LRRIQ1: variants seen among roughly 807,000 people sequenced by gnomAD.
LRRIQ1 encodes leucine-rich repeat- and IQ domain-containing protein 1.
A neutral mutation model predicts 211.9 loss-of-function variants in LRRIQ1; 210 were observed. The ratio of observed to expected loss-of-function variants is 0.99; its 90% CI spans 0.89 to 1.11. The LOEUF (loss-of-function observed/expected upper bound fraction) is 1.11. LRRIQ1 is among the 50% of genes most tolerant of loss of function. The probability of loss-of-function intolerance (pLI) is 0.00; values close to 1 mark genes in which losing one functional copy is unlikely to be tolerated. For synonymous variants in LRRIQ1, 699 were observed against 650.1 expected (o/e 1.08, Z -1.14); for missense variants, 2,136 against 1,939.5 (o/e 1.10, Z -1.90).
Position 85,153,037 on chromosome 12 carries a change from T to TA in LRRIQ1, c.4437dup (p.Trp1480MetfsTer3). On this transcript the variant is annotated frameshift_variant, in exon 21 of 27. Coordinates refer to ENST00000393217, the MANE Select transcript of LRRIQ1 (RefSeq NM_001079910.2). LOFTEE classifies it high-confidence loss of function. ...TTTTGTGAAAAGATTCCTGGAAACT[T>TA]AAAATGGGATGATACTTCATTTAAT... 2 of 1,556,802 alleles carry TA rather than the reference T, an allele frequency of 1.3e-6. No homozygotes were observed. The highest frequency in any genetic ancestry group is 1.7e-6 in the Non-Finnish European group (2 of 1,144,694).
intron 26 of LRRIQ1, among the ~76,000 whole-genome samples, chr12:85,244,296 T>A (rs948373446): frequency 1.5e-4 from 22 of 151,492 alleles, no homozygotes; most frequent in African/African-American, 4.1e-4. Flanking sequence ...ATGGCTTTAA[T>A]GAGAAGGTAA....
intron 11 of LRRIQ1, among the ~76,000 whole-genome samples, chr12:85,073,832 G>A (rs1183230947): frequency 6.6e-6 from 1 of 152,050 alleles, no homozygotes; most frequent in Non-Finnish European, 1.5e-5. Flanking sequence ...GAAATGCTTA[G>A]AGATTCTGGT....
At chr12:85,170,715 T>C (rs999578590) in intron 24 of LRRIQ1, among the ~76,000 whole-genome samples, 2 of 151,918 alleles carry the variant, frequency 1.3e-5, no homozygotes, top group African/African-American at 4.8e-5. Context: ...GTAATTCTGA[T>C]CAACTGTACT....
chr12:85,196,231 C>A (rs1182535187), intron 24 of LRRIQ1, among the ~76,000 whole-genome samples: 1 of 151,866 alleles, frequency 6.6e-6, no homozygotes, highest in Admixed American at 6.6e-5. Flanking sequence ...GAATCAATAT[C>A]GTGAAAATGG....
intron 23 of LRRIQ1, among the ~76,000 whole-genome samples, chr12:85,157,499 A>G (rs751987697): frequency 7.3e-5 from 11 of 151,216 alleles, no homozygotes; most frequent in African/African-American, 2.2e-4. Context: ...GTTTGTTTGT[A>G]TTTATTGTTG....
chr12:85,104,367 A>G (rs1886621754), intron 14 of LRRIQ1, among the ~76,000 whole-genome samples: 1 of 151,860 alleles, frequency 6.6e-6, no homozygotes, highest in African/African-American at 2.4e-5. Flanking sequence ...CAAACAGTAT[A>G]CCTTTCTAAC....
chr12:85,108,982 A>T (rs545331378), intron 15 of LRRIQ1, among the ~76,000 whole-genome samples: 3 of 152,136 alleles, frequency 2.0e-5, no homozygotes, highest in Non-Finnish European at 2.9e-5. Context: ...CAAACTAAAA[A>T]AAAAATAGCT....
At chr12:85,197,978 AATT>A (rs1351622168) in intron 24 of LRRIQ1, among the ~76,000 whole-genome samples, 2 of 105,506 alleles carry the variant, frequency 1.9e-5, no homozygotes, top group African/African-American at 3.9e-5. Context: ...AAATATATAT[AATT>A]ATATTATATA....
intron 1 of LRRIQ1, among the ~76,000 whole-genome samples, chr12:85,036,990 A>C (rs1878191650): frequency 6.6e-6 from 1 of 152,156 alleles, no homozygotes; most frequent in South Asian, 2.1e-4. Flanking sequence ...AGGACTTGAA[A>C]TGCAGCTAAT....
chr12:85,223,255 C>T (rs1239579518), intron 24 of LRRIQ1, among the ~76,000 whole-genome samples: 1 of 151,958 alleles, frequency 6.6e-6, no homozygotes, highest in Admixed American at 6.6e-5. Flanking sequence ...AGCACAGTGC[C>T]AGATATAGAG....
chr12:85,132,937 A>G (rs930474887), intron 18 of LRRIQ1, among the ~76,000 whole-genome samples: 1 of 152,086 alleles, frequency 6.6e-6, no homozygotes, highest in Non-Finnish European at 1.5e-5. Flanking sequence ...AGCTGATGGT[A>G]TGCTCCATAA....
At chr12:85,259,900 A>G (rs1335972227) in intron 1 of LRRIQ1, among the ~76,000 whole-genome samples, 1 of 152,074 alleles carries the variant, frequency 6.6e-6, no homozygotes, top group Admixed American at 6.6e-5. Context: ...CAACATAATA[A>G]TATTGGGGGG....
Position 85,149,183 on chromosome 12 carries a change from T to C in LRRIQ1, c.4330-3097T>C, listed in dbSNP as rs540466768. Among the ~76,000 whole-genome samples, 4 of 152,206 alleles carry C rather than the reference T, an allele frequency of 2.6e-5. No individual in the cohort carries two copies. The South Asian group carries it at 8.3e-4, about 32-fold the overall frequency. ...GATCCCGTTTGTGAATTTTGGCTTT[T>C]ATTGCAATTGCTTTTGGCATTATCG... On this transcript the variant is annotated intron_variant, in intron 19 of 26. Coordinates refer to ENST00000393217, the MANE Select transcript of LRRIQ1 (RefSeq NM_001079910.2).
At chr12:85,040,634 G>A (rs755485148) in intron 3 of LRRIQ1, 33 bp downstream of exon 3, 2 of 1,308,628 alleles carry the variant, frequency 1.5e-6, no homozygotes, top group East Asian at 2.3e-5. Flanking sequence ...TGGCAGATAA[G>A]CTTTCTGTAA....
chr12:85,265,191 A>G (rs1896395372), downstream of LRRIQ1, among the ~76,000 whole-genome samples: 2 of 151,992 alleles, frequency 1.3e-5, no homozygotes, highest in African/African-American at 4.8e-5. Context: ...ATTATATTTT[A>G]CTCTAGTGTG....
chr12:85,254,043 T>C (rs1176219751), intron 1 of LRRIQ1, among the ~76,000 whole-genome samples: 1 of 151,966 alleles, frequency 6.6e-6, no homozygotes, highest in East Asian at 1.9e-4. Flanking sequence ...GTCCTTGCAA[T>C]AGTGAGTCAG....
At chr12:85,223,477 G>A (rs1369454790) in intron 24 of LRRIQ1, among the ~76,000 whole-genome samples, 1 of 152,156 alleles carries the variant, frequency 6.6e-6, no homozygotes, top group South Asian at 2.1e-4. Flanking sequence ...GCCAGTTTCA[G>A]GCCATTTTAC....
intron 26 of LRRIQ1, among the ~76,000 whole-genome samples, chr12:85,239,661 A>C (rs140600726): frequency 1.3e-4 from 20 of 152,080 alleles, no homozygotes; most frequent in African/African-American, 4.8e-4. Context: ...TATGAGCCTA[A>C]ATTTAAAAGC....
At chr12:85,243,769 G>C (rs1211178451) in intron 26 of LRRIQ1, among the ~76,000 whole-genome samples, 1 of 151,494 alleles carries the variant, frequency 6.6e-6, no homozygotes, top group East Asian at 1.9e-4. Flanking sequence ...TTTAAAAGTA[G>C]GAAGAAGGTG....
Sources: allele counts gnomAD v4.1 joint callset (sites outside exome capture counted in the v4.1 genomes callset), GRCh38; gene constraint gnomAD v4.1.1; transcripts MANE v1.5; gene names NCBI Gene and HGNC (gene_info 2026-07-23, HGNC 2026-07-21).